TFR2: variants seen among roughly 807,000 people sequenced by gnomAD.
The protein encoded by TFR2 is transferrin receptor protein 2.
In TFR2, 64 loss-of-function variants were observed where a neutral mutation model predicts 91.9. The ratio of observed to expected loss-of-function variants is 0.70; its 90% confidence interval spans 0.57 to 0.86. The LOEUF is 0.86. Ranked by LOEUF, TFR2 falls within the 40% of genes least tolerant of loss-of-function variation. The probability of loss-of-function intolerance (pLI) is 0.00; values close to 1 mark genes in which losing one functional copy is unlikely to be tolerated. For synonymous variants in TFR2, 454 were observed against 459.6 expected (o/e 0.99, Z 0.15); for missense variants, 950 against 1,080.5 (o/e 0.88, Z 1.69).
At chr7:100,630,532 C>T (rs1453634774) in intron 9 of TFR2, among the ~76,000 whole-genome samples, 1 of 152,186 alleles carries the variant, frequency 6.6e-6, no homozygotes, top group East Asian at 1.9e-4. Context: ...TCAAGTGATC[C>T]ACCTGCCTGG....
intron 6 of TFR2, 81 bp from the exon 7 acceptor site, chr7:100,632,279 G>T: frequency 7.8e-7 from 1 of 1,275,360 alleles, no homozygotes; most frequent in African/African-American, 1.5e-5. Flanking sequence ...AAATGGCAAG[G>T]CCTTTGCTTG....
At chr7:100,623,966 G>A (rs1243564495) in intron 17 of TFR2, among the ~76,000 whole-genome samples, 1 of 151,420 alleles carries the variant, frequency 6.6e-6, no homozygotes, top group African/African-American at 2.4e-5. Context: ...AGAAGTGGGA[G>A]AATCACTTGA....
At chr7:100,626,711 C>T (rs1803260162) in intron 17 of TFR2, 52 bp downstream of exon 17, 29 of 1,533,760 alleles carry the variant, frequency 1.9e-5, no homozygotes, top group Non-Finnish European at 2.5e-5. Context: ...GAGGTGGAGC[C>T]CCAGGGGAGG....
At chr7:100,631,993 G>A in intron 7 of TFR2, 48 bp from the exon 8 acceptor site, 1 of 1,614,024 alleles carries the variant, frequency 6.2e-7, no homozygotes, top group African/African-American at 1.3e-5. Context: ...GGGCTTCCAG[G>A]AAAAACGAAA....
chr7:100,631,989 C>T, intron 7 of TFR2, 44 bp from the exon 8 acceptor site: 2 of 1,613,994 alleles, frequency 1.2e-6, no homozygotes, highest in East Asian at 2.2e-5. Context: ...AGCTGGGCTT[C>T]CAGGAAAAAC....
intron 17 of TFR2, among the ~76,000 whole-genome samples, chr7:100,623,073 G>A (rs1803150329): frequency 2.0e-5 from 3 of 152,042 alleles, no homozygotes; most frequent in Admixed American, 6.5e-5. Flanking sequence ...AAGAGATCAA[G>A]ACCATCCTGG....
chr7:100,632,083 T>G lies in TFR2; in HGVS notation c.965A>C (p.His322Pro), dbSNP rs1235157878. ...SLSSQQAVYG[H>P]VHLGTGDPYT... ...CACGACCAGCCTCCCCAGACTCACA[T>G]GTCCATACACTGCCTGCTGGCTGGA... The change falls in exon 7 of 18, where the codon CAT becomes CCT. Residue 322 changes from histidine to proline, a missense_variant and splice_region_variant. His to Pro is a moderately conservative substitution (Grantham distance 77). Coordinates refer to ENST00000223051, the MANE Select transcript of TFR2 (RefSeq NM_003227.4). The G allele has an allele frequency of 1.2e-6, 2 of 1,614,170 alleles. No individual in the cohort carries two copies. The highest frequency in any genetic ancestry group is 1.1e-5 in the South Asian group (1 of 91,088).
chr7:100,629,204 C>G lies in TFR2; in HGVS notation c.1390+49G>C, dbSNP rs372371707. ...TCTCTGCCCTATCCTCCTCGGGCCA[C>G]AGGCCCACCGCTGCCTAGCCCAGGC... On this transcript the variant is annotated intron_variant, in intron 10 of 17. Transcript: ENST00000223051. 30 of 1,609,922 alleles carry G rather than the reference C, an allele frequency of 1.9e-5. No homozygotes were observed. The African/African-American group carries it at 3.1e-4, about 16-fold the overall frequency.
At chr7:100,625,039 ATCTTTT>A (rs1183149406) in intron 17 of TFR2, among the ~76,000 whole-genome samples, 6 of 146,346 alleles carry the variant, frequency 4.1e-5, no homozygotes, top group Non-Finnish European at 7.4e-5. Context: ...TGAGTCATGC[ATCTTTT>A]TCTTTTTCTT....
In TFR2 at chr7:100,633,576, G is replaced by A. The variant is rs777497479; in HGVS notation, c.474-20C>T. On this transcript the variant is annotated intron_variant, in intron 3 of 17. Transcript: ENST00000223051. The stretch of plus-strand genomic sequence containing the variant: ...GTTTGCCTAAGCGGGGAGAGGTGGG[G>A]ACTTTTCTGGGCGCCCGGAGGAGAG... 9 of 1,591,246 alleles carry A rather than the reference G, an allele frequency of 5.7e-6. No individual in the cohort carries two copies. The highest frequency in any genetic ancestry group is 7.7e-6 in the Non-Finnish European group (9 of 1,173,732).
chr7:100,628,350 C>T (rs1295604527), intron 10 of TFR2, 44 bp from the exon 11 acceptor site: 2 of 1,581,846 alleles, frequency 1.3e-6, no homozygotes, highest in African/African-American at 2.7e-5. Flanking sequence ...AGGGGCCAAG[C>T]AAAGACCCTC....
chr7:100,639,331 C>T (rs969145429), intron 3 of TFR2, among the ~76,000 whole-genome samples: 1 of 152,252 alleles, frequency 6.6e-6, no homozygotes, highest in Non-Finnish European at 1.5e-5. Flanking sequence ...TGCACCACTG[C>T]ACTCCAGCCT....
chr7:100,629,791 G>T (rs1231242209), intron 9 of TFR2, among the ~76,000 whole-genome samples: 1 of 152,174 alleles, frequency 6.6e-6, no homozygotes, highest in Non-Finnish European at 1.5e-5. Context: ...TGTTGCCCAG[G>T]CTGGAGTGCA....
At chr7:100,638,372 G>A (rs910289330) in intron 3 of TFR2, among the ~76,000 whole-genome samples, 17 of 152,024 alleles carry the variant, frequency 1.1e-4, no homozygotes, top group Admixed American at 1.1e-3. Context: ...AGCATTTTGG[G>A]AGGCTGAGGT....
rs1803290020 is a variant in TFR2 at position 100,627,306 on chromosome 7, G to A, written c.1953C>T (p.Leu651=). 6.5e-7 allele frequency: 1 copy of A among 1,549,570 alleles called. No homozygotes were observed. The highest frequency in any genetic ancestry group is 2.0e-5 in the Admixed American group (1 of 50,982). The change falls in exon 16 of 18, where the codon CTC becomes CTT. Residue 651 remains leucine (L), a synonymous_variant. Coordinates refer to ENST00000223051, the MANE Select transcript of TFR2 (RefSeq NM_003227.4). ...LDFGRYGDVV[L]RHIGNLNEFS... The stretch of plus-strand genomic sequence containing the variant: ...ACTCGTTGAGGTTCCCGATGTGCCT[G>A]AGGACGACGTCCCCGTAGCGGCCGA...
intron 17 of TFR2, 25 bp downstream of exon 17, chr7:100,626,738 C>A: frequency 1.5e-5 from 15 of 1,032,090 alleles, no homozygotes; most frequent in Non-Finnish European, 1.9e-5. Flanking sequence ...ACACTGGGGG[C>A]GGGGCGAGGA....
In TFR2 at chr7:100,633,566, G is replaced by A; in HGVS notation, c.474-10C>T. The stretch of plus-strand genomic sequence containing the variant: ...CCGAAGGCTGGTTTGCCTAAGCGGG[G>A]AGAGGTGGGGACTTTTCTGGGCGCC... On this transcript the variant is annotated splice_polypyrimidine_tract_variant and intron_variant, in intron 3 of 17. Transcript: ENST00000223051. 1 of 1,597,496 alleles carries A rather than the reference G, an allele frequency of 6.3e-7. No homozygotes were observed. Among genetic ancestry groups the A allele is most frequent in the Non-Finnish European group, 8.5e-7 (1 of 1,177,504 alleles).
intron 3 of TFR2, 81 bp downstream of exon 3, chr7:100,640,605 G>A: frequency 1.3e-6 from 2 of 1,524,766 alleles, no homozygotes; most frequent in South Asian, 2.4e-5. Flanking sequence ...CCAGAGGCCT[G>A]GGCCAGGAGG....
intron 3 of TFR2, among the ~76,000 whole-genome samples, chr7:100,635,338 C>T (rs1369849219): frequency 1.3e-5 from 2 of 150,714 alleles, no homozygotes; most frequent in South Asian, 2.1e-4. Flanking sequence ...AGCTCCTAAG[C>T]TCAAGCCATC....
Sources: allele counts gnomAD v4.1 joint callset (sites outside exome capture counted in the v4.1 genomes callset), GRCh38; gene constraint gnomAD v4.1.1; transcripts MANE v1.5; gene names NCBI Gene and HGNC (gene_info 2026-07-23, HGNC 2026-07-21).